Variants in XXYLT1 observed in about 807,000 individuals in gnomAD.
XXYLT1 encodes xyloside xylosyltransferase 1, also known as UDP-xylose:alpha-xyloside alpha-1,3-xylosyltransferase.
Under a neutral mutation model 28.9 loss-of-function variants are expected in XXYLT1, and 20 were observed. The ratio of observed to expected loss-of-function variants is 0.69; its 90% CI spans 0.49 to 1.00. XXYLT1 has a LOEUF of 1.00. Ranked by LOEUF, XXYLT1 falls within the 50% of genes least tolerant of loss-of-function variation. XXYLT1 has a pLI of 0.00. For missense variants in XXYLT1, 542 were observed against 560.1 expected, an observed-to-expected ratio of 0.97 and a Z score of 0.33; for synonymous variants, 257 against 253.8, an observed-to-expected ratio of 1.01 and a Z score of -0.12.
In XXYLT1 at chr3:195,247,230, G is replaced by A. The variant is rs558914274; in HGVS notation, c.505-20374C>T. 2.2e-4 allele frequency among the ~76,000 whole-genome samples: 33 copies of A among 152,264 alleles called. No homozygotes were observed. In the East Asian group the frequency reaches 5.0e-3, roughly 23 times the overall value. On this transcript the variant is annotated intron_variant, in intron 1 of 3. Transcript: ENST00000310380. ...AGATGGGAGAAGAGGGCGAACGGCC[G>A]TTCCAGGATTTCACTGTGAAATCTG...
intron 1 of XXYLT1, among the ~76,000 whole-genome samples, chr3:195,241,031 A>T (rs779891468): frequency 6.6e-6 from 1 of 152,248 alleles, no homozygotes; most frequent in Non-Finnish European, 1.5e-5. Flanking sequence ...AAGTAAAGAC[A>T]TCTGCCTCCC....
At chr3:195,171,262 T>C (rs534038648) in intron 2 of XXYLT1, among the ~76,000 whole-genome samples, 1 of 152,222 alleles carries the variant, frequency 6.6e-6, no homozygotes, top group South Asian at 2.1e-4. Flanking sequence ...CTGGCAGCCC[T>C]ACCCTTCCCA....
intron 2 of XXYLT1, among the ~76,000 whole-genome samples, chr3:195,200,241 AC>A (rs773864845): frequency 1.3e-5 from 2 of 152,216 alleles, no homozygotes; most frequent in African/African-American, 2.4e-5. Flanking sequence ...GTGGCGAAGC[AC>A]CCAGGAGCTG....
chr3:195,151,342 G>A (rs559038019), intron 3 of XXYLT1, among the ~76,000 whole-genome samples: 102 of 152,022 alleles, frequency 6.7e-4, no homozygotes, highest in African/African-American at 2.1e-3. Context: ...TCAGCAGTTC[G>A]AGACCAGCCT....
intron 1 of XXYLT1, among the ~76,000 whole-genome samples, chr3:195,242,140 A>T (rs1345133047): frequency 6.6e-6 from 1 of 152,190 alleles, no homozygotes; most frequent in Admixed American, 6.5e-5. Flanking sequence ...GGGCGATGGG[A>T]CAACTGTTTC....
chr3:195,193,397 AAAG>A (rs58734420), intron 2 of XXYLT1, among the ~76,000 whole-genome samples: 7,782 of 152,258 alleles, frequency 0.051, 605 homozygotes, highest in African/African-American at 0.18. Flanking sequence ...TGAGAAAACT[AAAG>A]AAGATCTAAA....
At chr3:195,215,163 T>C (rs1723514499) in intron 2 of XXYLT1, among the ~76,000 whole-genome samples, 1 of 151,412 alleles carries the variant, frequency 6.6e-6, no homozygotes, top group African/African-American at 2.4e-5. Context: ...AAAGAGTTCC[T>C]GAAGGAAGCA....
intron 1 of XXYLT1, among the ~76,000 whole-genome samples, chr3:195,229,423 T>A (rs1724207343): frequency 6.6e-6 from 1 of 152,218 alleles, no homozygotes; most frequent in South Asian, 2.1e-4. Flanking sequence ...TTTGAAAATG[T>A]GTAATTAAAC....
chr3:195,095,599 G>A (rs547881399), intron 3 of XXYLT1: 1 of 153,920 alleles, frequency 6.5e-6, no homozygotes, highest in South Asian at 2.1e-4. Flanking sequence ...AATTCTTCAG[G>A]GGACTTTGTC....
chr3:195,198,707 G>A (rs957246346), intron 2 of XXYLT1, among the ~76,000 whole-genome samples: 18 of 152,072 alleles, frequency 1.2e-4, no homozygotes, highest in Admixed American at 7.2e-4. Context: ...TAACTATTAT[G>A]CAACACACAA....
chr3:195,109,684 AGTGT>A lies in XXYLT1; in HGVS notation c.786-39577_786-39574del, dbSNP rs1157620968. On this transcript the variant is annotated intron_variant, in intron 3 of 3. Transcript: ENST00000310380. ...GTGTGTGTGGTGTGTGTGTTGTATG[AGTGT>A]GTGTGGTGTCTGGTGTGTGTGGTGT... is the stretch of plus-strand genomic sequence containing the variant. Among the ~76,000 whole-genome samples the A allele has an allele frequency of 1.2e-3, 28 of 22,858 alleles. 9 individuals carry two copies. Among genetic ancestry groups the A allele is most frequent in the Non-Finnish European group, 2.4e-3 (25 of 10,630 alleles). The allele number at this position is 22,858 out of a possible 152,430, so 15.0% of individuals were successfully genotyped here. A position where few individuals can be genotyped will look rare whatever the true frequency, so the allele number is the denominator to read the frequency against.
At chr3:195,105,171 T>TA (rs1325252639) in intron 3 of XXYLT1, among the ~76,000 whole-genome samples, 13 of 152,200 alleles carry the variant, frequency 8.5e-5, no homozygotes, top group African/African-American at 3.1e-4. Flanking sequence ...CCACAAAATA[T>TA]GCTGACCCCA....
intron 2 of XXYLT1, among the ~76,000 whole-genome samples, chr3:195,191,763 TAG>T (rs1267368405): frequency 3.5e-4 from 53 of 152,198 alleles, no homozygotes; most frequent in Non-Finnish European, 3.1e-4. Context: ...ACAAGATCAT[TAG>T]AGAGAGACAT....
At chr3:195,111,096 C>T (rs76387345) in intron 3 of XXYLT1, among the ~76,000 whole-genome samples, 4,665 of 152,124 alleles carry the variant, frequency 0.031, 118 homozygotes, top group Middle Eastern at 0.11. Context: ...CTGAGGGCTG[C>T]GAGGCCGAGC....
At chr3:195,080,966 C>G (rs1417731633) in intron 3 of XXYLT1, among the ~76,000 whole-genome samples, 1 of 152,218 alleles carries the variant, frequency 6.6e-6, no homozygotes, top group African/African-American at 2.4e-5. Context: ...CATGTAAGGG[C>G]CCCCACCTTT....
Position 195,168,702 on chromosome 3 carries a change from G to A in XXYLT1, c.653-12121C>T, listed in dbSNP as rs1721250494. Reference sequence around the variant, plus strand: ...TCATGATCATTAAATATCACCATATGGAAACTAACATTTCCTTAGTACCTA... The same window carrying A: ...TCATGATCATTAAATATCACCATATAGAAACTAACATTTCCTTAGTACCTA... On this transcript the variant is annotated intron_variant, in intron 2 of 3. Transcript: ENST00000310380. The surrounding 1 kb of genome is among the most constrained non-coding windows in gnomAD (Gnocchi z 4.3). Among the ~76,000 whole-genome samples, 1 of 152,130 alleles carries A rather than the reference G, an allele frequency of 6.6e-6. No homozygotes were observed. Among genetic ancestry groups the A allele is most frequent in the Admixed American group, 6.5e-5 (1 of 15,278 alleles).
intron 2 of XXYLT1, among the ~76,000 whole-genome samples, chr3:195,219,688 C>T (rs919874522): frequency 1.3e-5 from 2 of 152,246 alleles, no homozygotes; most frequent in African/African-American, 2.4e-5. Context: ...CCCAGCAGCA[C>T]TGACCCAAAG....
At chr3:195,190,968 CA>C (rs1375376927) in intron 2 of XXYLT1, among the ~76,000 whole-genome samples, 2 of 151,862 alleles carry the variant, frequency 1.3e-5, no homozygotes, top group Non-Finnish European at 2.9e-5. Flanking sequence ...AGAAGGCAAT[CA>C]AAAAATAACA....
chr3:195,253,734 G>A (rs1463860707), intron 1 of XXYLT1, among the ~76,000 whole-genome samples: 1 of 151,904 alleles, frequency 6.6e-6, no homozygotes, highest in Admixed American at 6.6e-5. Context: ...CCTGACCTCA[G>A]GTGATCCGCC....
Sources: allele counts gnomAD v4.1 joint callset (sites outside exome capture counted in the v4.1 genomes callset), GRCh38; gene constraint gnomAD v4.1.1; non-coding constraint Gnocchi (gnomAD v3.1); transcripts MANE v1.5; gene names NCBI Gene and HGNC (gene_info 2026-07-23, HGNC 2026-07-21).